Variants in MAN2A1 observed in about 807,000 individuals in gnomAD.
MAN2A1 encodes mannosidase alpha class 2A member 1.
Under a neutral mutation model 142.6 loss-of-function variants are expected in MAN2A1, and 76 were observed. The ratio of observed to expected loss-of-function variants is 0.53; its 90% confidence interval spans 0.44 to 0.65. The LOEUF is 0.65. Ranked by LOEUF, MAN2A1 falls within the 30% of genes least tolerant of loss-of-function variation. The probability of loss-of-function intolerance (pLI) is 0.00; values close to 1 mark genes in which losing one functional copy is unlikely to be tolerated. For missense variants in MAN2A1, 1,311 were observed against 1,365.1 expected (o/e 0.96, Z 0.62); for synonymous variants, 559 against 473.2 (o/e 1.18, Z -2.35).
intron 17 of MAN2A1, among the ~76,000 whole-genome samples, chr5:109,844,680 C>G (rs1413414313): frequency 6.6e-6 from 1 of 152,142 alleles, no homozygotes; most frequent in African/African-American, 2.4e-5. Flanking sequence ...TGCCCTTTCC[C>G]AGCTTCTAGT....
At chr5:109,761,762 A>G (rs1752849657) in intron 5 of MAN2A1, among the ~76,000 whole-genome samples, 1 of 152,060 alleles carries the variant, frequency 6.6e-6, no homozygotes, top group Admixed American at 6.6e-5. Flanking sequence ...TATTGCTCAG[A>G]TCCTAGGCTT....
At chr5:109,843,448 G>T (rs1253059980) in intron 17 of MAN2A1, among the ~76,000 whole-genome samples, 1 of 152,156 alleles carries the variant, frequency 6.6e-6, no homozygotes, top group African/African-American at 2.4e-5. Flanking sequence ...TGAGATTTGG[G>T]TGGGGATACA....
intron 6 of MAN2A1, 46 bp downstream of exon 6, chr5:109,767,754 A>G (rs1222322689): frequency 1.3e-5 from 20 of 1,524,874 alleles, no homozygotes; most frequent in Admixed American, 3.4e-5. Flanking sequence ...CCTAGATACT[A>G]TTTCACAAGG....
intron 12 of MAN2A1, among the ~76,000 whole-genome samples, chr5:109,789,970 C>G (rs1440187903): frequency 6.6e-6 from 1 of 151,754 alleles, no homozygotes; most frequent in Non-Finnish European, 1.5e-5. Flanking sequence ...TGTCATTTTG[C>G]TGGTGAAACA....
intron 16 of MAN2A1, among the ~76,000 whole-genome samples, chr5:109,839,924 C>T (rs1163376070): frequency 2.0e-5 from 3 of 151,464 alleles, no homozygotes; most frequent in Non-Finnish European, 4.4e-5. Flanking sequence ...ACACTAACAG[C>T]ATTTACATTC....
intron 12 of MAN2A1, among the ~76,000 whole-genome samples, chr5:109,815,762 A>G (rs977319900): frequency 6.6e-6 from 1 of 152,214 alleles, no homozygotes; most frequent in East Asian, 1.9e-4. Context: ...TATAGAACAC[A>G]TATACAGGAT....
chr5:109,784,974 T>G, intron 10 of MAN2A1, 48 bp downstream of exon 10: 1 of 1,361,244 alleles, frequency 7.3e-7, no homozygotes, highest in Non-Finnish European at 1.0e-6. Flanking sequence ...ATTAAAATTA[T>G]GGGTAATAAG....
rs568319020 is a variant in MAN2A1, at chr5:109,789,011, C to T, written c.1838C>T (p.Thr613Ile). The T allele has an allele frequency of 8.1e-6, 13 of 1,601,414 alleles. No individual in the cohort carries two copies. The South Asian group carries it at 1.2e-4, about 15-fold the overall frequency. The change falls in exon 11 of 22, where the codon ACA (threonine) becomes ATA (isoleucine). Residue 613 changes from threonine (T) to isoleucine (I), a missense_variant. Around this residue, in one of 3 missense-constraint regions of MAN2A1, gnomAD observed 890 missense variants for 920.5 expected, o/e 0.97. Coordinates refer to ENST00000261483, the MANE Select transcript of MAN2A1 (RefSeq NM_002372.4). ...CTTCTTATTTTGAAGGACAAACTCA[C>T]ATACGACTCTTACTCTCCTGATACC... ...AFLLILKDKL[T>I]YDSYSPDTFL...
intron 4 of MAN2A1, among the ~76,000 whole-genome samples, chr5:109,740,685 C>T (rs1163092773): frequency 6.6e-6 from 1 of 152,088 alleles, no homozygotes; most frequent in East Asian, 1.9e-4. Context: ...TGCCTCAGCC[C>T]TTGGCCCTTC....
At chr5:109,863,763 G>A (rs1755813292) in intron 20 of MAN2A1, 2 of 152,142 alleles carry the variant, frequency 1.3e-5, no homozygotes, top group Non-Finnish European at 2.9e-5. Flanking sequence ...TATTTTTATA[G>A]TACATGGGCA....
chr5:109,755,001 CAAAT>C (rs963390825), intron 4 of MAN2A1, among the ~76,000 whole-genome samples: 2 of 152,228 alleles, frequency 1.3e-5, no homozygotes, highest in East Asian at 1.9e-4. Context: ...AACTCTGTCT[CAAAT>C]AAATAAATAA....
chr5:109,717,168 A>G (rs1751479938), intron 3 of MAN2A1, among the ~76,000 whole-genome samples: 1 of 152,162 alleles, frequency 6.6e-6, no homozygotes, highest in African/African-American at 2.4e-5. Flanking sequence ...TACTGTCAGA[A>G]GCACTGGTAA....
intron 5 of MAN2A1, among the ~76,000 whole-genome samples, chr5:109,763,689 G>A (rs750151460): frequency 5.2e-4 from 79 of 152,084 alleles, no homozygotes; most frequent in Middle Eastern, 3.4e-3. Context: ...AAGAATTTAG[G>A]ACATGTTATT....
intron 15 of MAN2A1, among the ~76,000 whole-genome samples, chr5:109,821,723 C>G (rs1350155588): frequency 6.6e-6 from 1 of 151,840 alleles, no homozygotes; most frequent in East Asian, 1.9e-4. Flanking sequence ...TGTGATTTTC[C>G]TATTTCTATT....
chr5:109,690,668 G>A, intron 1 of MAN2A1, 116 bp downstream of exon 1: 1 of 1,174,804 alleles, frequency 8.5e-7, no homozygotes, highest in South Asian at 1.4e-5. Context: ...TGCTGGGCGA[G>A]GCCAGGGGCT....
intron 6 of MAN2A1, among the ~76,000 whole-genome samples, chr5:109,768,473 A>G (rs1046909652): frequency 3.9e-5 from 6 of 152,204 alleles, no homozygotes; most frequent in Admixed American, 3.9e-4. Context: ...TAGGTCATGC[A>G]TAGAGAGCAG....
chr5:109,739,757 C>T (rs769852929), intron 4 of MAN2A1, among the ~76,000 whole-genome samples: 1 of 151,916 alleles, frequency 6.6e-6, no homozygotes, highest in South Asian at 2.1e-4. Context: ...TTATTACTGG[C>T]TGACCAGCAT....
At chr5:109,769,316 A>G (rs1753077474) in intron 6 of MAN2A1, among the ~76,000 whole-genome samples, 1 of 152,246 alleles carries the variant, frequency 6.6e-6, no homozygotes, top group Admixed American at 6.5e-5. Flanking sequence ...GACTTACCTG[A>G]TAAATTTGAA....
chr5:109,717,951 TCA>T (rs1238514620), intron 3 of MAN2A1, among the ~76,000 whole-genome samples: 2 of 152,232 alleles, frequency 1.3e-5, no homozygotes, highest in East Asian at 3.8e-4. Flanking sequence ...ATTACTAGAC[TCA>T]CACTCAGTGA....
Sources: gnomAD v4.1 joint callset for allele counts (sites outside exome capture counted in the v4.1 genomes callset) on GRCh38, gnomAD v4.1.1 for gene constraint, gnomAD v4.1.1 regional missense constraint, MANE v1.5 for transcripts, NCBI Gene and HGNC (gene_info 2026-07-23, HGNC 2026-07-21) for gene names.